The following CSGALNACT1 variants were observed in gnomAD, a reference collection of about 807,000 sequenced individuals.
The protein encoded by CSGALNACT1 is chondroitin sulfate N-acetylgalactosaminyltransferase 1, also known as beta4GalNAcT-1.
CSGALNACT1 carries 52 observed loss-of-function variants against 51.0 expected under a neutral mutation model. The observed-to-expected ratio is 1.02, with a 90% confidence interval of 0.82 to 1.29. CSGALNACT1 has a LOEUF of 1.29. CSGALNACT1 is among the 50% of genes most tolerant of loss of function. The pLI, the probability that CSGALNACT1 is intolerant of heterozygous loss-of-function variation, is 0.00. For missense variants in CSGALNACT1, 935 were observed against 679.2 expected, an observed-to-expected ratio of 1.38 and a Z score of -4.19; for synonymous variants, 341 against 254.4, an observed-to-expected ratio of 1.34 and a Z score of -3.24.
intron 1 of CSGALNACT1, among the ~76,000 whole-genome samples, chr8:19,742,000 C>T (rs1046038760): frequency 2.6e-5 from 4 of 152,124 alleles, no homozygotes; most frequent in African/African-American, 7.2e-5. Context: ...AGACATTAAG[C>T]CCCTTTGGGC....
At chr8:19,552,191 C>T (rs1208604187) in intron 3 of CSGALNACT1, among the ~76,000 whole-genome samples, 1 of 152,044 alleles carries the variant, frequency 6.6e-6, no homozygotes, top group Non-Finnish European at 1.5e-5. Flanking sequence ...TTAATAATGG[C>T]CATTGAGTAG....
Position 19,490,086 on chromosome 8 carries a change from G to A in CSGALNACT1, c.634+15115C>T, listed in dbSNP as rs903419640. 2.0e-5 allele frequency among the ~76,000 whole-genome samples: 3 copies of A among 152,136 alleles called. No homozygotes were observed. The East Asian group carries it at 5.8e-4, about 29-fold the overall frequency. On this transcript the variant is annotated intron_variant, in intron 4 of 9. Transcript: ENST00000454498. ...CCAAATATTTCTAACTCTGGGATTC[G>A]AGTATAACAGCCAGCAACATTCAGA...
chr8:19,719,511 T>G (rs929247605), intron 1 of CSGALNACT1, among the ~76,000 whole-genome samples: 1 of 152,140 alleles, frequency 6.6e-6, no homozygotes, highest in African/African-American at 2.4e-5. Flanking sequence ...TGTAGGAATC[T>G]CCCATCGTTT....
chr8:19,667,037 AAG>A (rs2059408148), intron 1 of CSGALNACT1, among the ~76,000 whole-genome samples: 1 of 43,836 alleles, frequency 2.3e-5, no homozygotes, highest in African/African-American at 1.4e-4. Flanking sequence ...GGAAGGAAGG[AAG>A]GAAGAAAGAA....
intron 1 of CSGALNACT1, among the ~76,000 whole-genome samples, chr8:19,623,794 C>G (rs1342276482): frequency 6.6e-6 from 1 of 152,220 alleles, no homozygotes; most frequent in Non-Finnish European, 1.5e-5. Flanking sequence ...GGGGAAATCT[C>G]TAAGCCAGAA....
chr8:19,531,504 A>G (rs538343695), intron 3 of CSGALNACT1, among the ~76,000 whole-genome samples: 2 of 152,336 alleles, frequency 1.3e-5, no homozygotes, highest in East Asian at 3.9e-4. Flanking sequence ...ATCAAAATTT[A>G]CAATGCAATG....
At chr8:19,704,680 G>A (rs201211234) in intron 1 of CSGALNACT1, among the ~76,000 whole-genome samples, 10 of 151,310 alleles carry the variant, frequency 6.6e-5, no homozygotes, top group East Asian at 5.8e-4. Flanking sequence ...ACCCATAGAC[G>A]GATGGATGGA....
At chr8:19,750,909 G>A (rs143070383) in intron 1 of CSGALNACT1, among the ~76,000 whole-genome samples, 316 of 152,156 alleles carry the variant, frequency 2.1e-3, no homozygotes, top group African/African-American at 7.2e-3. Context: ...CACCTTGATC[G>A]GAAGTTAGAT....
chr8:19,465,179 T>A (rs1460584468), intron 4 of CSGALNACT1, among the ~76,000 whole-genome samples: 2 of 152,154 alleles, frequency 1.3e-5, no homozygotes, highest in Non-Finnish European at 2.9e-5. Context: ...AGCATGGAAA[T>A]TCGGATACAT....
chr8:19,623,740 A>T (rs958343780), intron 1 of CSGALNACT1, among the ~76,000 whole-genome samples: 2 of 152,236 alleles, frequency 1.3e-5, no homozygotes, highest in Non-Finnish European at 2.9e-5. Flanking sequence ...AGAATTCATG[A>T]ATCAGAAACT....
intron 1 of CSGALNACT1, among the ~76,000 whole-genome samples, chr8:19,609,001 GTTTAT>G (rs2051801448): frequency 6.6e-6 from 1 of 152,016 alleles, no homozygotes; most frequent in Admixed American, 6.6e-5. Flanking sequence ...CAATTTCTGA[GTTTAT>G]TTTGTGTTAT....
At chr8:19,615,339 G>C (rs1315925222) in intron 1 of CSGALNACT1, among the ~76,000 whole-genome samples, 1 of 152,174 alleles carries the variant, frequency 6.6e-6, no homozygotes, top group East Asian at 1.9e-4. Flanking sequence ...TCCATCCAAA[G>C]GAATTTGCCC....
intron 1 of CSGALNACT1, among the ~76,000 whole-genome samples, chr8:19,674,771 T>C (rs949658352): frequency 2.0e-5 from 3 of 152,108 alleles, no homozygotes; most frequent in African/African-American, 7.2e-5. Flanking sequence ...GTGATGGCTC[T>C]GTATGTGAGA....
intron 3 of CSGALNACT1, among the ~76,000 whole-genome samples, chr8:19,563,882 C>A (rs1564067944): frequency 6.6e-6 from 1 of 152,098 alleles, no homozygotes; most frequent in Non-Finnish European, 1.5e-5. Context: ...GGCATGTCCT[C>A]CCCAACCCTA....
At chr8:19,650,097 G>C (rs943237556) in intron 1 of CSGALNACT1, among the ~76,000 whole-genome samples, 3 of 152,090 alleles carry the variant, frequency 2.0e-5, no homozygotes, top group African/African-American at 7.2e-5. Context: ...TTGTTAAAAC[G>C]ATTCAGTTGC....
intron 1 of CSGALNACT1, 44 bp from the exon 2 acceptor site, chr8:19,601,909 T>C (rs1269375488): frequency 4.4e-6 from 2 of 453,548 alleles, no homozygotes; most frequent in East Asian, 6.9e-5. Flanking sequence ...TAAATTTCCA[T>C]GTCTTAAATG....
At chr8:19,436,800 A>C (rs2060456963) in intron 6 of CSGALNACT1, among the ~76,000 whole-genome samples, 1 of 152,144 alleles carries the variant, frequency 6.6e-6, no homozygotes, top group Non-Finnish European at 1.5e-5. Flanking sequence ...AGTCCCAGCT[A>C]CTAAGGAGGC....
chr8:19,493,949 A>G (rs1241268108), intron 4 of CSGALNACT1, among the ~76,000 whole-genome samples: 1 of 151,964 alleles, frequency 6.6e-6, no homozygotes, highest in African/African-American at 2.4e-5. Context: ...TCTGTGTTTA[A>G]CATTTTGAGA....
chr8:19,536,806 G>C (rs762204973), intron 3 of CSGALNACT1, among the ~76,000 whole-genome samples: 9 of 152,196 alleles, frequency 5.9e-5, no homozygotes, highest in Non-Finnish European at 1.2e-4. Context: ...GTGGCAGAGA[G>C]ATAGATATAC....
Sources: allele counts gnomAD v4.1 joint callset (sites outside exome capture counted in the v4.1 genomes callset), GRCh38; gene constraint gnomAD v4.1.1; transcripts MANE v1.5; gene names NCBI Gene and HGNC (gene_info 2026-07-23, HGNC 2026-07-21).